POLR3B: variants seen among roughly 807,000 people sequenced by gnomAD.
POLR3B encodes the protein RNA polymerase III subunit B, also known as DNA-directed RNA polymerase III subunit RPC2.
POLR3B carries 96 observed loss-of-function variants against 147.4 expected under a neutral mutation model. That is an observed-to-expected ratio of 0.65 (90% confidence interval 0.55 to 0.77). The LOEUF is 0.77. Ranked by LOEUF, POLR3B falls within the 30% of genes least tolerant of loss-of-function variation. The probability of loss-of-function intolerance (pLI) is 0.00; values close to 1 mark genes in which losing one functional copy is unlikely to be tolerated. For missense variants in POLR3B, 1,036 were observed against 1,413.5 expected (o/e 0.73, Z 4.28); for synonymous variants, 461 against 485.9 (o/e 0.95, Z 0.67).
chr12:106,465,013 T>C (rs1415005554), intron 23 of POLR3B, among the ~76,000 whole-genome samples: 1 of 152,250 alleles, frequency 6.6e-6, no homozygotes, highest in South Asian at 2.1e-4. Context: ...GTAATTTATA[T>C]AGTTCCCTGA....
At position 106,454,708 on chromosome 12, in the gene POLR3B, A is replaced by G. The variant is rs1359717670; in HGVS notation, c.2290A>G (p.Arg764Gly). Residue 764 changes from arginine to glycine, a missense_variant, in exon 20 of 28, where the codon AGA (arginine) becomes GGA (glycine). Arg to Gly is a moderately radical substitution (Grantham distance 125, BLOSUM62 -2). Coordinates refer to ENST00000228347, the MANE Select transcript of POLR3B (RefSeq NM_018082.6). ...ALVLNKASLDRGFGRCLVYKN... is the reference protein window; with the variant it reads ...ALVLNKASLDGGFGRCLVYKN... ...TGTTTTAAACAAGGCCTCTTTAGAC[A>G]GAGGTAAGTGAATTTTCAAAACTAA... 1.9e-6 allele frequency: 3 copies of G among 1,581,702 alleles called. No homozygotes were observed. Among genetic ancestry groups the G allele is most frequent in the Non-Finnish European group, 2.6e-6 (3 of 1,150,694 alleles).
chr12:106,496,699 G>C (rs2038491206), intron 24 of POLR3B, 53 bp from the exon 25 acceptor site: 2 of 1,484,996 alleles, frequency 1.3e-6, no homozygotes, highest in Non-Finnish European at 1.9e-6. Flanking sequence ...AATAAGCAGA[G>C]AGAGTGCTTG....
At chr12:106,388,409 C>T (rs190535742) in intron 9 of POLR3B, among the ~76,000 whole-genome samples, 1 of 152,164 alleles carries the variant, frequency 6.6e-6, no homozygotes, top group Admixed American at 6.5e-5. Context: ...CCTCCAACTC[C>T]CTGGTTCAAG....
chr12:106,489,151 CTG>C (rs1218491305), intron 23 of POLR3B, among the ~76,000 whole-genome samples: 1 of 152,156 alleles, frequency 6.6e-6, no homozygotes, highest in Non-Finnish European at 1.5e-5. Flanking sequence ...AGAGGAAAAA[CTG>C]TATTTGAGCA....
intron 9 of POLR3B, among the ~76,000 whole-genome samples, chr12:106,386,972 C>T (rs1305789792): frequency 6.6e-6 from 1 of 152,074 alleles, no homozygotes; most frequent in Admixed American, 6.6e-5. Context: ...CATCTATACA[C>T]GCATATGCTT....
chr12:106,400,184 C>A (rs1028239374), intron 10 of POLR3B, among the ~76,000 whole-genome samples: 4 of 152,054 alleles, frequency 2.6e-5, no homozygotes, highest in African/African-American at 4.8e-5. Context: ...GGTTGCAATC[C>A]TAGTCTCTGA....
chr12:106,417,723 G>A (rs1392733205), intron 12 of POLR3B, among the ~76,000 whole-genome samples: 1 of 152,020 alleles, frequency 6.6e-6, no homozygotes, highest in Non-Finnish European at 1.5e-5. Flanking sequence ...TTTGGTTTTT[G>A]GCCACCTTCA....
In POLR3B at chr12:106,479,837, C is replaced by T. The variant is rs1592766050; in HGVS notation, c.2713+16217C>T. ...TTCTTTTCTTTTCTTTTCACAGTAT[C>T]TTGCTCTGCTCTGTCACCCAGGCTG... On this transcript the variant is annotated intron_variant, in intron 23 of 27. Transcript: ENST00000228347. 4.9e-5 allele frequency among the ~76,000 whole-genome samples: 3 copies of T among 61,416 alleles called. No homozygotes were observed. The East Asian group carries it at 6.9e-4, about 14-fold the overall frequency. The allele number at this position is 61,416 out of a possible 152,430, so 40.3% of individuals were successfully genotyped here.
intron 13 of POLR3B, among the ~76,000 whole-genome samples, chr12:106,429,605 T>A (rs1209334368): frequency 2.6e-5 from 4 of 152,104 alleles, no homozygotes; most frequent in African/African-American, 9.7e-5. Flanking sequence ...ATTTAATGCA[T>A]AAGAAGATAA....
intron 12 of POLR3B, among the ~76,000 whole-genome samples, chr12:106,426,304 T>A (rs1334950486): frequency 6.6e-6 from 1 of 150,546 alleles, no homozygotes; most frequent in East Asian, 1.9e-4. Flanking sequence ...CAGGCTGGAG[T>A]GTAGTGGCGC....
chr12:106,480,861 C>G (rs765985285), intron 23 of POLR3B, among the ~76,000 whole-genome samples: 6 of 144,462 alleles, frequency 4.2e-5, no homozygotes, highest in Non-Finnish European at 8.9e-5. Flanking sequence ...AATGATATGT[C>G]GTGAGATGAG....
chr12:106,430,315 G>A lies in POLR3B; in HGVS notation c.1306G>A (p.Val436Ile). 1 of 1,614,098 alleles carries A rather than the reference G, an allele frequency of 6.2e-7. No individual in the cohort carries two copies. The highest frequency in any genetic ancestry group is 8.5e-7 in the Non-Finnish European group (1 of 1,179,934). ...GAGATTTAAAATGGACCGCCAGGGT[G>A]TAACCCAAGTGCTGTCTCGCTTGTC... ...LKRFKMDRQG[V>I]TQVLSRLSYI... Residue 436 changes from valine to isoleucine, a missense_variant, in exon 14 of 28, where the codon GTA becomes ATA. Val to Ile is a conservative substitution (Grantham distance 29, BLOSUM62 3). Coordinates refer to ENST00000228347, the MANE Select transcript of POLR3B (RefSeq NM_018082.6).
intron 9 of POLR3B, among the ~76,000 whole-genome samples, chr12:106,383,321 G>A (rs1593009336): frequency 6.6e-6 from 1 of 152,130 alleles, no homozygotes; most frequent in African/African-American, 2.4e-5. Flanking sequence ...TAGCACTTGT[G>A]ATTTCCTTCA....
intron 27 of POLR3B, among the ~76,000 whole-genome samples, chr12:106,505,650 T>A (rs2038675283): frequency 6.6e-6 from 1 of 152,094 alleles, no homozygotes; most frequent in South Asian, 2.1e-4. Flanking sequence ...CTACAGAGCT[T>A]CCAGCCTCAC....
chr12:106,382,843 G>A (rs2036782645), intron 9 of POLR3B, among the ~76,000 whole-genome samples: 4 of 152,188 alleles, frequency 2.6e-5, no homozygotes, highest in Admixed American at 2.6e-4. Context: ...ACCCTCACAA[G>A]AAAATCAGCC....
chr12:106,466,264 C>T (rs1269625981), intron 23 of POLR3B, among the ~76,000 whole-genome samples: 2 of 152,168 alleles, frequency 1.3e-5, no homozygotes, highest in Admixed American at 1.3e-4. Context: ...TGAGAAGTGT[C>T]TGTTCATATC....
chr12:106,465,323 C>G (rs960070331), intron 23 of POLR3B, among the ~76,000 whole-genome samples: 2 of 152,118 alleles, frequency 1.3e-5, no homozygotes, highest in East Asian at 3.9e-4. Context: ...GAATGTACAC[C>G]ATAAGAGAAT....
At chr12:106,437,276 C>T (rs554033973) in intron 17 of POLR3B, 145 bp downstream of exon 17, 2 of 707,484 alleles carry the variant, frequency 2.8e-6, no homozygotes, top group Non-Finnish European at 5.1e-6. Flanking sequence ...TGTGAACTTG[C>T]TTGGACATTG....
intron 10 of POLR3B, among the ~76,000 whole-genome samples, chr12:106,398,018 C>G (rs1200628674): frequency 6.6e-6 from 1 of 152,228 alleles, no homozygotes; most frequent in Admixed American, 6.5e-5. Context: ...CGTGCGTGAG[C>G]CAAAGCAGGG....
Sources: allele counts gnomAD v4.1 joint callset (sites outside exome capture counted in the v4.1 genomes callset), GRCh38; gene constraint gnomAD v4.1.1; transcripts MANE v1.5; gene names NCBI Gene and HGNC (gene_info 2026-07-23, HGNC 2026-07-21).